Variants in PDE4D observed in about 807,000 individuals in gnomAD.
PDE4D encodes phosphodiesterase 4D, also known as 3',5'-cyclic-AMP phosphodiesterase 4D.
In PDE4D, 24 loss-of-function variants were observed where a neutral mutation model predicts 87.4. That is an observed-to-expected ratio of 0.27 (90% CI 0.20 to 0.39). The LOEUF (loss-of-function observed/expected upper bound fraction) is 0.39, where lower values mean the gene tolerates loss of function less well. Ranked by LOEUF, PDE4D falls within the 10% of genes least tolerant of loss-of-function variation. The pLI is 1.00. For synonymous variants in PDE4D, 384 were observed against 383.2 expected, an observed-to-expected ratio of 1.00 and a Z score of -0.02; for missense variants, 714 against 1,041.0, an observed-to-expected ratio of 0.69 and a Z score of 4.32.
intron 1 of PDE4D, among the ~76,000 whole-genome samples, chr5:60,303,311 T>TC (rs1326731931): frequency 2.7e-5 from 4 of 149,612 alleles, no homozygotes; most frequent in African/African-American, 9.9e-5. Context: ...GGATTTCTTT[T>TC]TTTTTTTTTT....
At chr5:60,142,740 T>C (rs886407203) in intron 2 of PDE4D, among the ~76,000 whole-genome samples, 1 of 152,170 alleles carries the variant, frequency 6.6e-6, no homozygotes, top group Non-Finnish European at 1.5e-5. Flanking sequence ...AAAATTACTG[T>C]GGGTAGCAGA....
intron 2 of PDE4D, among the ~76,000 whole-genome samples, chr5:60,089,794 C>T (rs796497713): frequency 8.7e-5 from 13 of 149,750 alleles, no homozygotes; most frequent in African/African-American, 3.2e-4. Flanking sequence ...GCTACACCAA[C>T]CAGAAGTCTA....
intron 1 of PDE4D, among the ~76,000 whole-genome samples, chr5:59,507,704 A>G (rs1003528362): frequency 1.4e-5 from 2 of 144,118 alleles, no homozygotes; most frequent in African/African-American, 5.3e-5. Context: ...GAAAAAAGAA[A>G]GATAACTTTT....
At chr5:59,905,661 T>A (rs983357522) in intron 3 of PDE4D, among the ~76,000 whole-genome samples, 2 of 152,134 alleles carry the variant, frequency 1.3e-5, no homozygotes, top group African/African-American at 4.8e-5. Context: ...GTAAAGATTA[T>A]ATGAGATAAT....
intron 2 of PDE4D, among the ~76,000 whole-genome samples, chr5:60,027,298 C>G (rs1056510198): frequency 3.9e-5 from 6 of 152,122 alleles, no homozygotes; most frequent in African/African-American, 1.4e-4. Context: ...CAGGGTTTAG[C>G]TCCCATTATA....
chr5:59,289,214 A>G (rs1251027791), intron 1 of PDE4D, among the ~76,000 whole-genome samples: 3 of 152,100 alleles, frequency 2.0e-5, no homozygotes, highest in Admixed American at 1.3e-4. Context: ...GTTAAAATGT[A>G]GAGTTTTTAT....
intron 5 of PDE4D, among the ~76,000 whole-genome samples, chr5:59,125,601 G>C (rs1287503861): frequency 6.6e-6 from 1 of 152,170 alleles, no homozygotes; most frequent in Non-Finnish European, 1.5e-5. Context: ...GCAAGAGGAA[G>C]GGATATCTTG....
intron 2 of PDE4D, among the ~76,000 whole-genome samples, chr5:60,004,727 C>T (rs1764313983): frequency 6.6e-6 from 1 of 152,064 alleles, no homozygotes; most frequent in South Asian, 2.1e-4. Context: ...ATGGTGTTCA[C>T]CATCATTAAT....
At chr5:60,179,161 C>T (rs1319233411) in intron 2 of PDE4D, among the ~76,000 whole-genome samples, 1 of 152,084 alleles carries the variant, frequency 6.6e-6, no homozygotes, top group Non-Finnish European at 1.5e-5. Flanking sequence ...GGCGGTATCC[C>T]TACCCCCATG....
rs1271688158 is a variant in PDE4D at position 58,989,745 on chromosome 5, A to C, written c.1452+10T>G. On this transcript the variant is annotated intron_variant, in intron 10 of 14. Coordinates refer to ENST00000340635, the MANE Select transcript of PDE4D (RefSeq NM_001104631.2). ...AGTTAGTGTTCTTGAAATTTCAGAA[A>C]CAGATTTACCTCCAAAGCAGGTGTA... is the stretch of plus-strand genomic sequence containing the variant. 1.9e-6 allele frequency: 3 copies of C among 1,572,474 alleles called. No individual in the cohort carries two copies. The highest frequency in any genetic ancestry group is 2.6e-6 in the Non-Finnish European group (3 of 1,160,780).
Position 60,370,759 on chromosome 5 carries a change from A to ATG in PDE4D, c.-90+117181_-90+117182dup, listed in dbSNP as rs139182100. 8.1e-3 allele frequency among the ~76,000 whole-genome samples: 1,223 copies of ATG among 150,168 alleles called. 18 individuals carry two copies. Among genetic ancestry groups the ATG allele is most frequent in the African/African-American group, 0.026 (1,054 of 41,128 alleles). On this transcript the variant is annotated intron_variant, in intron 1 of 16. Transcript: ENST00000502484. ...GGATCCCAAATCTAGTTTTGTGTAT[A>ATG]TGTGTGTGTGTGTGTGTGCGTGCGT...
chr5:59,916,010 CCA>C (rs1753999784), intron 3 of PDE4D, among the ~76,000 whole-genome samples: 1 of 152,126 alleles, frequency 6.6e-6, no homozygotes, highest in African/African-American at 2.4e-5. Context: ...CTCCTAGTCC[CCA>C]GAACTATCTA....
At chr5:60,493,745 C>CA (rs1271166794) in intron 1 of PDE4D, among the ~76,000 whole-genome samples, 1 of 152,134 alleles carries the variant, frequency 6.6e-6, no homozygotes, top group Non-Finnish European at 1.5e-5. Context: ...CATGTTTCTG[C>CA]AAATGCAGCC....
In PDE4D at chr5:59,661,074, T is replaced by TTATATATATATATATA. The variant is rs3062479; in HGVS notation, c.455+232078_455+232093dup. On this transcript the variant is annotated intron_variant, in intron 1 of 14. Coordinates refer to ENST00000340635, the MANE Select transcript of PDE4D (RefSeq NM_001104631.2). ...CCAGCACTGCATTTTCATGATAATA[T>TTATATATATATATATA]TATATATATATATATATATATATTT... 2.2e-3 allele frequency among the ~76,000 whole-genome samples: 307 copies of TTATATATATATATATA among 140,030 alleles called. 2 individuals are homozygous for TTATATATATATATATA. The highest frequency in any genetic ancestry group is 5.4e-3 in the African/African-American group (198 of 36,916). 91.9% of individuals were successfully genotyped at this position (140,030 alleles called of 152,430 possible).
chr5:59,756,589 A>G (rs1580910699), intron 1 of PDE4D, among the ~76,000 whole-genome samples: 1 of 151,724 alleles, frequency 6.6e-6, no homozygotes, highest in East Asian at 1.9e-4. Context: ...TTAATCATTG[A>G]GTTCAAAGTT....
intron 1 of PDE4D, among the ~76,000 whole-genome samples, chr5:59,293,938 G>A (rs191921376): frequency 2.0e-5 from 3 of 152,220 alleles, no homozygotes; most frequent in East Asian, 1.9e-4. Context: ...CCACGACCAC[G>A]CTCACCTATT....
intron 1 of PDE4D, among the ~76,000 whole-genome samples, chr5:59,645,933 C>T (rs1359774934): frequency 6.6e-6 from 1 of 152,102 alleles, no homozygotes; most frequent in African/African-American, 2.4e-5. Flanking sequence ...AGAGAAAAGA[C>T]TGCATTATCT....
intron 1 of PDE4D, among the ~76,000 whole-genome samples, chr5:59,437,686 T>C (rs1314274523): frequency 6.6e-6 from 1 of 151,792 alleles, no homozygotes; most frequent in Non-Finnish European, 1.5e-5. Context: ...AAGAAGTAGA[T>C]GGCATAACTC....
At position 59,553,238 on chromosome 5, in the gene PDE4D, A is replaced by G. The variant is rs563233251; in HGVS notation, c.456-337270T>C. On this transcript the variant is annotated intron_variant, in intron 1 of 14. Coordinates refer to ENST00000340635, the MANE Select transcript of PDE4D (RefSeq NM_001104631.2). ...AGGCCCCTCACTTTCCCTCACTCCC[A>G]TAGAACTGTTTCACCAACTGTTAGG... Among the ~76,000 whole-genome samples, 4 of 152,110 alleles carry G rather than the reference A, an allele frequency of 2.6e-5. No homozygotes were observed. The East Asian group carries it at 5.8e-4, about 22-fold the overall frequency.
Sources: allele counts gnomAD v4.1 joint callset (sites outside exome capture counted in the v4.1 genomes callset), GRCh38; gene constraint gnomAD v4.1.1; transcripts MANE v1.5; gene names NCBI Gene and HGNC (gene_info 2026-07-23, HGNC 2026-07-21).